Variants in FAM161A observed in about 807,000 individuals in gnomAD.
FAM161A encodes FAM161 centrosomal protein A.
A neutral mutation model predicts 70.9 loss-of-function variants in FAM161A; 57 were observed. That is an observed-to-expected ratio of 0.80 (90% confidence interval 0.65 to 1.00). FAM161A has a LOEUF of 1.00. FAM161A is among the 50% of genes least tolerant of loss of function. The pLI, the probability that FAM161A is intolerant of heterozygous loss-of-function variation, is 0.00. For missense variants in FAM161A, 880 were observed against 836.0 expected, an observed-to-expected ratio of 1.05 and a Z score of -0.65; for synonymous variants, 299 against 295.7, an observed-to-expected ratio of 1.01 and a Z score of -0.12.
intron 1 of FAM161A, among the ~76,000 whole-genome samples, chr2:61,853,044 T>C (rs2105109630): frequency 6.7e-6 from 1 of 148,632 alleles, no homozygotes; most frequent in South Asian, 2.2e-4. Flanking sequence ...TCCGAGTAAC[T>C]AGGATTACAG....
chr2:61,809,208 C>CGGACACCACTGCTGGTGTCCT, the FAM161A span, among the ~76,000 whole-genome samples: 1 of 152,134 alleles, frequency 6.6e-6, no homozygotes, highest in Admixed American at 6.5e-5. Context: ...CCTTGGCCCC[C>CGGACACCACTGCTGGTGTCCT]GGACACCACT....
intron 5 of FAM161A, among the ~76,000 whole-genome samples, chr2:61,830,683 C>CAAAA (rs10633119): frequency 5.0e-4 from 41 of 81,944 alleles, no homozygotes; most frequent in Non-Finnish European, 7.1e-4. Context: ...GACCCTGTCT[C>CAAAA]AAAAAAAAAA....
At position 61,834,199 on chromosome 2, in the gene FAM161A, C is replaced by T. The variant is rs891059296; in HGVS notation, c.1851+1811G>A. Among the ~76,000 whole-genome samples, 8 of 152,216 alleles carry T rather than the reference C, an allele frequency of 5.3e-5. No homozygotes were observed. In the East Asian group the frequency reaches 1.5e-3, roughly 29 times the overall value. On this transcript the variant is annotated intron_variant, in intron 5 of 6. Coordinates refer to ENST00000404929, the MANE Select transcript of FAM161A (RefSeq NM_001201543.2). ...AAAAAGAATGAAATCATGTCCTTTG[C>T]AACAATATGGATACAGCTGGAAGCC...
chr2:61,852,252 T>C (rs1673523136), intron 1 of FAM161A, among the ~76,000 whole-genome samples: 1 of 152,102 alleles, frequency 6.6e-6, no homozygotes, highest in South Asian at 2.1e-4. Context: ...GTAATAACAG[T>C]TTCTAACACA....
chr2:61,827,117 C>T lies in FAM161A; in HGVS notation c.1993G>A (p.Glu665Lys). The T allele has an allele frequency of 6.2e-7, 1 of 1,613,748 alleles. No homozygotes were observed. The highest frequency in any genetic ancestry group is 8.5e-7 in the Non-Finnish European group (1 of 1,179,956). The change falls in exon 6 of 7, where the codon GAA becomes AAA. Residue 665 changes from glutamate (E) to lysine (K), a missense_variant. Physicochemically the swap from Glu to Lys is moderately conservative, Grantham distance 56. Transcript: ENST00000404929. ...FNNQETKSVT[E>K]DKESFNEEEK... ...TATATATGTTACCTTTCTTTGTCTT[C>T]AGTGACACTTTTCGTCTCTTGATTG...
At chr2:61,838,854 ATATTTATT>A (rs10645430) in intron 3 of FAM161A, 149 bp from the exon 4 acceptor site, 24,534 of 151,058 alleles carry the variant, frequency 0.16, 2,460 homozygotes, top group Non-Finnish European at 0.21. Flanking sequence ...AAAACTAGAA[ATATTTATT>A]TATTTATTTA....
intron 1 of FAM161A, among the ~76,000 whole-genome samples, chr2:61,849,510 G>A (rs1462131233): frequency 6.6e-6 from 1 of 151,848 alleles, no homozygotes; most frequent in South Asian, 2.1e-4. Context: ...ATTAGGCCAG[G>A]ATGGTGGCTC....
chr2:61,822,491 T>G (rs1197215880), downstream of FAM161A, among the ~76,000 whole-genome samples: 5 of 152,200 alleles, frequency 3.3e-5, no homozygotes, highest in East Asian at 1.9e-4. Context: ...ACTTGCTCCC[T>G]TCTAAACAAC....
the FAM161A span, among the ~76,000 whole-genome samples, chr2:61,811,020 T>G: frequency 6.6e-6 from 1 of 152,172 alleles, no homozygotes. Flanking sequence ...ATCCTCCAAT[T>G]GCTCCCCACA....
the FAM161A span, among the ~76,000 whole-genome samples, chr2:61,818,841 A>G: frequency 6.6e-6 from 1 of 152,232 alleles, no homozygotes; most frequent in Non-Finnish European, 1.5e-5. Flanking sequence ...CACCGTGTCA[A>G]GTATCCCCCT....
rs1331082418 is a variant in FAM161A, at chr2:61,839,965, TAAG to T, written c.1036_1038del (p.Leu346del). 1 of 1,614,096 alleles carries T rather than the reference TAAG, an allele frequency of 6.2e-7. No individual in the cohort carries two copies. Among genetic ancestry groups the T allele is most frequent in the Non-Finnish European group, 8.5e-7 (1 of 1,180,040 alleles). On this transcript the variant is annotated inframe_deletion, in exon 3 of 7. Transcript: ENST00000404929. ...AATCGATTTGTTTTCTTTTTATACT[TAAG>T]AAAGTCTCTCAGCTGCTTTTCCCGG...
chr2:61,820,913 G>A (rs1471648407), downstream of FAM161A, among the ~76,000 whole-genome samples: 4 of 152,118 alleles, frequency 2.6e-5, no homozygotes, highest in Non-Finnish European at 4.4e-5. Context: ...GTGTTGAAAA[G>A]GAAGAAACAA....
At chr2:61,821,417 T>C (rs1161923763), downstream of FAM161A, among the ~76,000 whole-genome samples, 2 of 152,208 alleles carry the variant, frequency 1.3e-5, no homozygotes, top group Non-Finnish European at 2.9e-5. Flanking sequence ...CCTTCTCTTA[T>C]TGACATTTAT....
chr2:61,818,641 A>G, the FAM161A span, among the ~76,000 whole-genome samples: 1 of 152,254 alleles, frequency 6.6e-6, no homozygotes, highest in East Asian at 1.9e-4. Context: ...GAATTTGTGC[A>G]TCATGATGAT....
chr2:61,826,719 G>T, intron 6 of FAM161A, 120 bp from the exon 7 acceptor site: 1 of 825,172 alleles, frequency 1.2e-6, no homozygotes, highest in Non-Finnish European at 1.8e-6. Flanking sequence ...ATTCCAATTT[G>T]TTACCAAGAC....
At position 61,854,010 on chromosome 2, in the gene FAM161A, A is replaced by T; in HGVS notation, c.32T>A (p.Val11Glu). 1 of 1,612,248 alleles carries T rather than the reference A, an allele frequency of 6.2e-7. No homozygotes were observed. Among genetic ancestry groups the T allele is most frequent in the Admixed American group, 1.7e-5 (1 of 59,770 alleles). The stretch of plus-strand genomic sequence containing the variant: ...TACCGGGGTCTGGAGACTGGAGGCC[A>T]CCAGCTTCGCCACTCGGTGGGAGGT... MATSHRVAKLVASSLQTPVNP... is the reference protein window; with the variant it reads MATSHRVAKLEASSLQTPVNP... Residue 11 changes from valine to glutamate, a missense_variant, in exon 1 of 7, where the codon GTG (valine) becomes GAG (glutamate). By Grantham distance (121) the Val-to-Glu change is moderately radical. Transcript: ENST00000404929.
chr2:61,835,988 C>A, intron 5 of FAM161A, 22 bp downstream of exon 5: 1 of 1,461,040 alleles, frequency 6.8e-7, no homozygotes, highest in Non-Finnish European at 9.5e-7. Flanking sequence ...GACGATAGCT[C>A]TTAAATTCCA....
intron 5 of FAM161A, among the ~76,000 whole-genome samples, chr2:61,830,633 G>A (rs3863956): frequency 0.17 from 24,154 of 144,434 alleles, 2,135 homozygotes; most frequent in Middle Eastern, 0.22. Context: ...GCAGTGAGCC[G>A]AGATCACGCC....
Position 61,842,317 on chromosome 2 carries a change from G to A in FAM161A, c.227C>T (p.Pro76Leu), listed in dbSNP as rs759239031. The A allele has an allele frequency of 1.8e-5, 28 of 1,589,730 alleles. No individual in the cohort carries two copies. The highest frequency in any genetic ancestry group is 3.6e-5 in the Admixed American group (2 of 55,572). ...GTTCACAAAGTCCTCATAGCTTATCGGTGCATGTTCATCCACCCCAGAAAA... is the reference window on the plus strand; with the variant it reads ...GTTCACAAAGTCCTCATAGCTTATCAGTGCATGTTCATCCACCCCAGAAAA... ...TSFSGVDEHA[P>L]ISYEDFVNFP... Residue 76 changes from proline (P) to leucine (L), a missense_variant, in exon 2 of 7, where the codon CCG becomes CTG. Physicochemically the swap from Pro to Leu is moderately conservative, Grantham distance 98 (BLOSUM62 -3). Transcript: ENST00000404929.
Sources: allele counts gnomAD v4.1 joint callset (sites outside exome capture counted in the v4.1 genomes callset), GRCh38; gene constraint gnomAD v4.1.1; transcripts MANE v1.5; gene names NCBI Gene and HGNC (gene_info 2026-07-23, HGNC 2026-07-21).